The following NTM variants were observed in gnomAD, a reference collection of about 807,000 sequenced individuals.
NTM encodes IgLON family member 2.
Under a neutral mutation model 42.1 loss-of-function variants are expected in NTM, and 13 were observed. That is an observed-to-expected ratio of 0.31 (90% CI 0.20 to 0.49). The LOEUF is 0.49. Ranked by LOEUF, NTM falls within the 20% of genes least tolerant of loss-of-function variation. The pLI is 0.99. For missense variants in NTM, 373 were observed against 452.8 expected (o/e 0.82, Z 1.60); for synonymous variants, 187 against 179.2 (o/e 1.04, Z -0.35).
chr11:132,085,273 A>G (rs189743499), intron 2 of NTM, among the ~76,000 whole-genome samples: 2 of 152,330 alleles, frequency 1.3e-5, no homozygotes, highest in African/African-American at 4.8e-5. Flanking sequence ...ACATGTTATA[A>G]TGGTACTTCT....
intron 2 of NTM, chr11:131,922,269 C>T: frequency 6.5e-6 from 1 of 152,796 alleles, no homozygotes; most frequent in Non-Finnish European, 1.5e-5. Context: ...CAGCAAATGC[C>T]ACTTGGCTCT....
At chr11:132,198,187 A>G (rs1026453424) in intron 3 of NTM, among the ~76,000 whole-genome samples, 9 of 152,156 alleles carry the variant, frequency 5.9e-5, no homozygotes, top group South Asian at 2.1e-4. Context: ...TTTCTGAAAC[A>G]TATGTCTGTT....
At chr11:131,455,088 T>A (rs1386391952) in intron 1 of NTM, among the ~76,000 whole-genome samples, 1 of 152,198 alleles carries the variant, frequency 6.6e-6, no homozygotes, top group African/African-American at 2.4e-5. Flanking sequence ...AACGCAAGCA[T>A]GATAGTTCCA....
At chr11:131,977,123 G>A (rs1252493223) in intron 2 of NTM, among the ~76,000 whole-genome samples, 1 of 152,210 alleles carries the variant, frequency 6.6e-6, no homozygotes, top group African/African-American at 2.4e-5. Flanking sequence ...CACACACTGA[G>A]GAACCCATCC....
At chr11:131,870,574 T>G (rs1056789591) in intron 1 of NTM, among the ~76,000 whole-genome samples, 3 of 152,160 alleles carry the variant, frequency 2.0e-5, no homozygotes, top group Admixed American at 1.3e-4. Flanking sequence ...CAGTGCCCCT[T>G]TGTAGCTCTG....
chr11:131,741,678 G>A (rs2081219433), intron 1 of NTM, among the ~76,000 whole-genome samples: 1 of 152,178 alleles, frequency 6.6e-6, no homozygotes, highest in Non-Finnish European at 1.5e-5. Flanking sequence ...AGGAGAACAT[G>A]AATATATAAA....
chr11:131,991,305 C>G (rs1425848815), intron 2 of NTM, among the ~76,000 whole-genome samples: 2 of 152,086 alleles, frequency 1.3e-5, no homozygotes, highest in Non-Finnish European at 2.9e-5. Flanking sequence ...ACAGCAGTTC[C>G]ACAATAAGAG....
chr11:131,470,519 G>T (rs962331901), intron 1 of NTM, among the ~76,000 whole-genome samples: 1 of 152,204 alleles, frequency 6.6e-6, no homozygotes, highest in East Asian at 1.9e-4. Flanking sequence ...CGTTGCTACT[G>T]TCTTGAAGGC....
At chr11:131,427,301 T>G (rs11601761) in intron 1 of NTM, among the ~76,000 whole-genome samples, 11,445 of 152,204 alleles carry the variant, frequency 0.075, 455 homozygotes, top group Non-Finnish European at 0.086. Flanking sequence ...AGGCATTAAC[T>G]GTGAAAATGT....
chr11:131,432,836 A>ATTTTTTTTTTTTTTT (rs1565494754), intron 1 of NTM, among the ~76,000 whole-genome samples: 1 of 87,390 alleles, frequency 1.1e-5, no homozygotes, highest in African/African-American at 4.5e-5. Context: ...AAGATTTAGC[A>ATTTTTTTTTTTTTTT]TTCTTTTTTT....
intron 1 of NTM, among the ~76,000 whole-genome samples, chr11:131,388,865 A>G (rs1943649542): frequency 6.6e-6 from 1 of 151,676 alleles, no homozygotes; most frequent in Admixed American, 6.6e-5. Context: ...TATAAAAATT[A>G]TCCAGGTATG....
At position 132,002,780 on chromosome 11, in the gene NTM, G is replaced by A. The variant is rs915416659; in HGVS notation, c.167+91132G>A. Among the ~76,000 whole-genome samples the A allele has an allele frequency of 7.2e-5, 11 of 152,192 alleles. No homozygotes were observed. The highest frequency in any genetic ancestry group is 5.2e-4 in the Admixed American group (8 of 15,284). Reference sequence around the variant, plus strand: ...TGTCTCTTTATCAATAAACTCATTGGGAAAAGTGGAGGAAATCATAGTAAC... The same window carrying A: ...TGTCTCTTTATCAATAAACTCATTGAGAAAAGTGGAGGAAATCATAGTAAC... On this transcript the variant is annotated intron_variant, in intron 2 of 8. Coordinates refer to ENST00000683400, the MANE Select transcript of NTM (RefSeq NM_001352005.2). This position sits in a 1 kb window ranked among gnomAD's most constrained non-coding sequence, Gnocchi z 4.5.
chr11:131,855,548 C>G (rs1201071995), intron 1 of NTM, among the ~76,000 whole-genome samples: 1 of 152,110 alleles, frequency 6.6e-6, no homozygotes, highest in Non-Finnish European at 1.5e-5. Flanking sequence ...CTTAAACTAC[C>G]ACATCATTTT....
At chr11:131,579,532 G>A (rs2058215605) in intron 1 of NTM, among the ~76,000 whole-genome samples, 1 of 152,168 alleles carries the variant, frequency 6.6e-6, no homozygotes, top group Admixed American at 6.5e-5. Context: ...CATAATATGT[G>A]AGCAAACAAA....
At chr11:131,873,720 CTT>C (rs2048139931) in intron 1 of NTM, among the ~76,000 whole-genome samples, 1 of 141,668 alleles carries the variant, frequency 7.1e-6, no homozygotes, top group Admixed American at 7.2e-5. Flanking sequence ...CACACACACA[CTT>C]TTAATGTATA....
chr11:132,170,820 G>T (rs1003419072), intron 3 of NTM, among the ~76,000 whole-genome samples: 1 of 152,166 alleles, frequency 6.6e-6, no homozygotes, highest in African/African-American at 2.4e-5. Context: ...CGCTTATTCT[G>T]TGTCAGGCAC....
chr11:132,129,478 C>T (rs562168165), intron 2 of NTM, among the ~76,000 whole-genome samples: 2 of 152,244 alleles, frequency 1.3e-5, no homozygotes, highest in African/African-American at 4.8e-5. Context: ...GACCCAGTAG[C>T]TTAGGCCCTG....
At chr11:131,681,129 C>G (rs1212435543) in intron 1 of NTM, among the ~76,000 whole-genome samples, 1 of 46,126 alleles carries the variant, frequency 2.2e-5, no homozygotes, top group Non-Finnish European at 5.1e-5. Context: ...GTGTGTGTTT[C>G]TGTGTATGTA....
At chr11:132,281,361 T>G (rs2093964570) in intron 4 of NTM, among the ~76,000 whole-genome samples, 1 of 152,192 alleles carries the variant, frequency 6.6e-6, no homozygotes, top group Non-Finnish European at 1.5e-5. Context: ...TATCTGACAG[T>G]GTCTAGGTAA....
Sources: allele counts gnomAD v4.1 joint callset (sites outside exome capture counted in the v4.1 genomes callset), GRCh38; gene constraint gnomAD v4.1.1; non-coding constraint Gnocchi (gnomAD v3.1); transcripts MANE v1.5; gene names NCBI Gene and HGNC (gene_info 2026-07-23, HGNC 2026-07-21).